Variants in MAST4 observed in about 807,000 individuals in gnomAD.
MAST4 encodes the protein microtubule associated serine/threonine kinase family member 4, also known as microtubule-associated serine/threonine-protein kinase 4.
In MAST4, 89 loss-of-function variants were observed where a neutral mutation model predicts 162.7. The ratio of observed to expected loss-of-function variants is 0.55; its 90% CI spans 0.46 to 0.65. The LOEUF (loss-of-function observed/expected upper bound fraction) is 0.65. MAST4 is among the 30% of genes least tolerant of loss of function. The pLI, the probability that MAST4 is intolerant of heterozygous loss-of-function variation, is 0.00. For synonymous variants in MAST4, 1,479 were observed against 1,361.1 expected, an observed-to-expected ratio of 1.09 and a Z score of -1.91; for missense variants, 3,153 against 3,374.0, an observed-to-expected ratio of 0.93 and a Z score of 1.62.
At chr5:66,636,137 T>C (rs1348727844) in intron 1 of MAST4, among the ~76,000 whole-genome samples, 1 of 151,904 alleles carries the variant, frequency 6.6e-6, no homozygotes, top group African/African-American at 2.4e-5. Context: ...TCTGTATTTT[T>C]AGTAGAGATG....
intron 2 of MAST4, among the ~76,000 whole-genome samples, chr5:66,777,077 A>C (rs1442468730): frequency 1.3e-5 from 2 of 152,190 alleles, no homozygotes; most frequent in African/African-American, 2.4e-5. Context: ...ACTAGAGGTG[A>C]GGAAATCGAA....
intron 4 of MAST4, among the ~76,000 whole-genome samples, chr5:66,903,247 A>G (rs963376850): frequency 6.6e-6 from 1 of 152,198 alleles, no homozygotes; most frequent in Non-Finnish European, 1.5e-5. Flanking sequence ...AGTTTCACGT[A>G]TATCATTAAT....
chr5:66,889,309 G>A (rs1762228912), intron 3 of MAST4, among the ~76,000 whole-genome samples: 1 of 152,068 alleles, frequency 6.6e-6, no homozygotes, highest in Non-Finnish European at 1.5e-5. Context: ...TAAGTGGCAG[G>A]GCTGATACGC....
At chr5:66,727,351 A>G (rs1325966047) in intron 1 of MAST4, among the ~76,000 whole-genome samples, 2 of 152,182 alleles carry the variant, frequency 1.3e-5, no homozygotes, top group African/African-American at 2.4e-5. Context: ...AGTTTCTGCA[A>G]AATGACTCTG....
chr5:66,827,617 T>C (rs923805227), intron 3 of MAST4, among the ~76,000 whole-genome samples: 1 of 152,118 alleles, frequency 6.6e-6, no homozygotes, highest in Admixed American at 6.6e-5. Context: ...GACACTTCCT[T>C]CCCCTCTCCC....
chr5:66,916,087 A>C (rs1285414487), intron 4 of MAST4, among the ~76,000 whole-genome samples: 2 of 152,240 alleles, frequency 1.3e-5, no homozygotes, highest in Non-Finnish European at 2.9e-5. Context: ...AGTAATTCTT[A>C]TGTTAATAGC....
intron 3 of MAST4, among the ~76,000 whole-genome samples, chr5:66,825,680 C>T (rs1319727681): frequency 6.6e-6 from 1 of 152,034 alleles, no homozygotes; most frequent in Non-Finnish European, 1.5e-5. Context: ...ACCTTTATTA[C>T]AGTGACCATG....
At chr5:66,648,034 ATGTGTGTGTGTG>A (rs745965169) in intron 1 of MAST4, among the ~76,000 whole-genome samples, 1,587 of 119,020 alleles carry the variant, frequency 0.013, 30 homozygotes, top group African/African-American at 0.042. Flanking sequence ...GTGTTAGGTA[ATGTGTGTGTGTG>A]TGTGTGTGTG....
Position 66,827,083 on chromosome 5 carries a change from A to G in MAST4, c.642+38289A>G, listed in dbSNP as rs556838437. 1.3e-4 allele frequency among the ~76,000 whole-genome samples: 20 copies of G among 152,378 alleles called. No homozygotes were observed. In the South Asian group the frequency reaches 3.9e-3, roughly 30 times the overall value. On this transcript the variant is annotated intron_variant, in intron 3 of 28. Transcript: ENST00000403625. ...CCAGCATTACAGATTGCCAAAAGAT[A>G]GAACAAGGCTGGCCCTTTCTCCTCT...
chr5:67,155,543 C>T (rs369414473), intron 26 of MAST4, among the ~76,000 whole-genome samples: 16 of 152,262 alleles, frequency 1.1e-4, no homozygotes, highest in African/African-American at 2.9e-4. Context: ...TCTTTTCAAC[C>T]AAGTTGCTTT....
At chr5:66,719,814 T>C (rs35301938) in intron 1 of MAST4, among the ~76,000 whole-genome samples, 23,188 of 152,208 alleles carry the variant, frequency 0.15, 2,249 homozygotes, top group East Asian at 0.29. Context: ...ACCTTTTTTT[T>C]CCTTAAAGTA....
intron 4 of MAST4, among the ~76,000 whole-genome samples, chr5:66,912,259 T>C (rs77270484): frequency 0.02 from 3,000 of 152,196 alleles, 98 homozygotes; most frequent in African/African-American, 0.067. Context: ...CCTTTTGGCC[T>C]CTCTCCCTAG....
At chr5:66,853,701 A>T (rs2149817898) in intron 3 of MAST4, among the ~76,000 whole-genome samples, 1 of 152,300 alleles carries the variant, frequency 6.6e-6, no homozygotes, top group East Asian at 1.9e-4. Context: ...TCACTGCTTC[A>T]TGGGTTTTCT....
chr5:66,603,171 G>A (rs1305014365), intron 1 of MAST4, among the ~76,000 whole-genome samples: 1 of 152,168 alleles, frequency 6.6e-6, no homozygotes, highest in Non-Finnish European at 1.5e-5. Context: ...TCATTCATGA[G>A]TAGGTAGATA....
At position 66,877,711 on chromosome 5, in the gene MAST4, T is replaced by G. The variant is rs567852198; in HGVS notation, c.643-22240T>G. On this transcript the variant is annotated intron_variant, in intron 3 of 28. Coordinates refer to ENST00000403625, the MANE Select transcript of MAST4 (RefSeq NM_001164664.2). ...CTTCTTATTGAAATATAATATGGAC[T>G]CCTTAGTGTACAGCTTGATGAATTT... Among the ~76,000 whole-genome samples, 130 of 152,292 alleles carry G rather than the reference T, an allele frequency of 8.5e-4. 1 individual carries two copies. Among genetic ancestry groups the G allele is most frequent in the African/African-American group, 3.0e-3 (126 of 41,562 alleles).
At chr5:67,146,115 A>G (rs1429554411) in intron 23 of MAST4, among the ~76,000 whole-genome samples, 1 of 152,166 alleles carries the variant, frequency 6.6e-6, no homozygotes, top group Non-Finnish European at 1.5e-5. Context: ...GGAGTAAGAA[A>G]CTCTGGGTAA....
Position 67,071,088 on chromosome 5 carries a change from C to A in MAST4, c.763+16596C>A, listed in dbSNP as rs551468769. Reference sequence around the variant, plus strand: ...GGGAGCCAAATTAATGGAACAAAGTCAATGATCAAAAATACTATCATTGAA... The same window carrying A: ...GGGAGCCAAATTAATGGAACAAAGTAAATGATCAAAAATACTATCATTGAA... On this transcript the variant is annotated intron_variant, in intron 5 of 28. Transcript: ENST00000403625. 3.4e-4 allele frequency among the ~76,000 whole-genome samples: 51 copies of A among 152,146 alleles called. No homozygotes were observed. The South Asian group carries it at 0.01, about 31-fold the overall frequency.
chr5:66,623,936 A>G (rs1744239829), intron 1 of MAST4, among the ~76,000 whole-genome samples: 1 of 152,212 alleles, frequency 6.6e-6, no homozygotes, highest in South Asian at 2.1e-4. Flanking sequence ...ATCAACATAC[A>G]AAAACAGTGG....
chr5:67,003,998 G>A (rs961970896), intron 4 of MAST4: 9 of 152,256 alleles, frequency 5.9e-5, no homozygotes, highest in African/African-American at 2.2e-4. Context: ...GCGTCCTGGC[G>A]GAGGAGTCAC....
Sources: allele counts gnomAD v4.1 joint callset (sites outside exome capture counted in the v4.1 genomes callset), GRCh38; gene constraint gnomAD v4.1.1; transcripts MANE v1.5; gene names NCBI Gene and HGNC (gene_info 2026-07-23, HGNC 2026-07-21).